The following DIAPH1 variants were observed in gnomAD, a reference collection of about 807,000 sequenced individuals.
The protein encoded by DIAPH1 is diaphanous related formin 1, also known as protein diaphanous homolog 1.
In DIAPH1, 46 loss-of-function variants were observed where a neutral mutation model predicts 140.7. That is an observed-to-expected ratio of 0.33 (90% confidence interval 0.26 to 0.42). The LOEUF is 0.42. DIAPH1 is among the 10% of genes least tolerant of loss of function. The pLI is 1.00. For missense variants in DIAPH1, 1,310 were observed against 1,558.7 expected (o/e 0.84, Z 2.69); for synonymous variants, 565 against 551.6 (o/e 1.02, Z -0.34).
Position 141,618,721 on chromosome 5 carries a change from G to A in DIAPH1, c.117+77C>T, listed in dbSNP as rs563266784. 1.9e-4 allele frequency: 203 copies of A among 1,076,438 alleles called. 2 individuals are homozygous for A. In the African/African-American group the frequency reaches 2.1e-3, roughly 11 times the overall value. The allele number at this position is 1,076,438 out of a possible 1,614,324, so 66.7% of individuals were successfully genotyped here. On this transcript the variant is annotated intron_variant, in intron 1 of 27. Coordinates refer to ENST00000389054, the MANE Select transcript of DIAPH1 (RefSeq NM_005219.5). Reference sequence around the variant, plus strand: ...GGGGCGGCTCCCCAAAGCCGGGCAGGCGCCCCAGGGGCCGGCTGCAGGGGT... The same window carrying A: ...GGGGCGGCTCCCCAAAGCCGGGCAGACGCCCCAGGGGCCGGCTGCAGGGGT...
rs957167891 is a variant in DIAPH1 at position 141,561,364 on chromosome 5, G to GTT, written c.2482+10062_2482+10063dup. Among the ~76,000 whole-genome samples, 76 of 137,382 alleles carry GTT rather than the reference G, an allele frequency of 5.5e-4. 1 individual carries two copies. The highest frequency in any genetic ancestry group is 1.6e-3 in the African/African-American group (60 of 37,706). 90.1% of individuals were successfully genotyped at this position (137,382 alleles called of 152,430 possible). A position where few individuals can be genotyped will look rare whatever the true frequency, so the allele number is the denominator to read the frequency against. ...GGTACTTAGAAGTGAAAAGAGTTTT[G>GTT]TTTTTTTTTTTTTTACATTGGAGTC... On this transcript the variant is annotated intron_variant, in intron 18 of 27. Coordinates refer to ENST00000389054, the MANE Select transcript of DIAPH1 (RefSeq NM_005219.5).
chr5:141,595,567 G>A (rs937603350), intron 1 of DIAPH1, among the ~76,000 whole-genome samples: 1 of 152,116 alleles, frequency 6.6e-6, no homozygotes, highest in African/African-American at 2.4e-5. Flanking sequence ...GAAATCTTAT[G>A]GTTTTGTAAG....
intron 18 of DIAPH1, among the ~76,000 whole-genome samples, chr5:141,548,713 G>A (rs546212238): frequency 6.6e-6 from 1 of 152,160 alleles, no homozygotes; most frequent in African/African-American, 2.4e-5. Flanking sequence ...GGCTCAGGTG[G>A]GAGAATCACC....
Position 141,529,193 on chromosome 5 carries a change from C to T in DIAPH1, c.2757G>A (p.Glu919=). The change falls in exon 21 of 28, where the codon GAG becomes GAA. Residue 919 remains glutamate (E), a synonymous_variant. Transcript: ENST00000389054. ...TCACCACCACGCCAAACTGCTCTGA[C>T]TCAGCCAGGTCATCATATTCATCCT... ...ELKDEYDDLA[E]SEQFGVVMGT... is the part of the protein sequence containing the mutation. The T allele has an allele frequency of 1.9e-6, 3 of 1,614,214 alleles. No homozygotes were observed. The highest frequency in any genetic ancestry group is 1.7e-6 in the Non-Finnish European group (2 of 1,180,032).
At chr5:141,594,237 AG>A in intron 1 of DIAPH1, among the ~76,000 whole-genome samples, 1 of 152,362 alleles carries the variant, frequency 6.6e-6, no homozygotes, top group East Asian at 1.9e-4. Context: ...ATTTATCCAA[AG>A]GAAGTGAAAA....
chr5:141,609,817 C>T (rs1352684857), intron 1 of DIAPH1, among the ~76,000 whole-genome samples: 2 of 152,136 alleles, frequency 1.3e-5, no homozygotes, highest in African/African-American at 2.4e-5. Context: ...GTTGCTAACA[C>T]CACCACCTAA....
chr5:141,610,965 G>A (rs180978777), intron 1 of DIAPH1, among the ~76,000 whole-genome samples: 15 of 151,790 alleles, frequency 9.9e-5, no homozygotes, highest in Non-Finnish European at 1.8e-4. Context: ...GGTGCATGCC[G>A]GTAGTCCCAG....
chr5:141,543,301 T>A (rs1223583264), intron 18 of DIAPH1, among the ~76,000 whole-genome samples: 1 of 152,160 alleles, frequency 6.6e-6, no homozygotes, highest in Non-Finnish European at 1.5e-5. Flanking sequence ...TGACACAACA[T>A]GTCCATGACA....
chr5:141,525,572 C>A (rs1328458629), intron 26 of DIAPH1, among the ~76,000 whole-genome samples: 1 of 152,174 alleles, frequency 6.6e-6, no homozygotes, highest in Admixed American at 6.5e-5. Flanking sequence ...CATTTAAAAT[C>A]TAATTGTGCA....
intron 1 of DIAPH1, among the ~76,000 whole-genome samples, chr5:141,604,233 C>G (rs2099900597): frequency 6.6e-6 from 1 of 152,190 alleles, no homozygotes; most frequent in Non-Finnish European, 1.5e-5. Flanking sequence ...AGCAAAGCTT[C>G]CTTCCTTTCA....
At chr5:141,602,337 TC>T (rs2099900279) in intron 1 of DIAPH1, among the ~76,000 whole-genome samples, 1 of 152,194 alleles carries the variant, frequency 6.6e-6, no homozygotes, top group Non-Finnish European at 1.5e-5. Flanking sequence ...TGTCTCAGCC[TC>T]CCGAGTAGCT....
chr5:141,578,464 T>G (rs2099896272), intron 10 of DIAPH1, 51 bp downstream of exon 10: 1 of 1,551,264 alleles, frequency 6.4e-7, no homozygotes, highest in South Asian at 1.1e-5. Flanking sequence ...ATTGGGGCTG[T>G]AGAGCAAGAA....
intron 8 of DIAPH1, 119 bp downstream of exon 8, chr5:141,580,625 A>G (rs1488889304): frequency 3.0e-6 from 3 of 1,012,950 alleles, no homozygotes; most frequent in Admixed American, 3.8e-5. Flanking sequence ...TCTGGGAAGA[A>G]ACACAATCTT....
chr5:141,612,123 AC>A (rs1332940381), intron 1 of DIAPH1, among the ~76,000 whole-genome samples: 5 of 152,232 alleles, frequency 3.3e-5, no homozygotes, highest in Non-Finnish European at 7.3e-5. Context: ...ATCATCACAT[AC>A]CCACTAGAAT....
intron 18 of DIAPH1, among the ~76,000 whole-genome samples, chr5:141,559,838 AG>A (rs2099893241): frequency 6.6e-6 from 1 of 152,230 alleles, no homozygotes; most frequent in East Asian, 1.9e-4. Flanking sequence ...CATTAAAATA[AG>A]GTACTAGAAA....
intron 18 of DIAPH1, chr5:141,563,908 T>C (rs1420136613): frequency 6.6e-6 from 1 of 152,248 alleles, no homozygotes; most frequent in Admixed American, 6.5e-5. Flanking sequence ...GGATTCAGTA[T>C]GTTATCTCAA....
chr5:141,530,965 G>GT (rs1218314708), intron 19 of DIAPH1, among the ~76,000 whole-genome samples: 20 of 152,160 alleles, frequency 1.3e-4, no homozygotes, highest in African/African-American at 4.3e-4. Flanking sequence ...ACATAATCAA[G>GT]TTTTTTAAAT....
In DIAPH1 at chr5:141,583,479, C is replaced by T. The variant is rs1193766897; in HGVS notation, c.533+6G>A. 3.1e-6 allele frequency: 5 copies of T among 1,614,186 alleles called. No homozygotes were observed. The highest frequency in any genetic ancestry group is 4.2e-6 in the Non-Finnish European group (5 of 1,180,024). Reference sequence around the variant, plus strand: ...CCTACTCCTGTTACCTCCTCAGAATCCTCACCTGACAGGGTTGTTGTTGAG... The same window carrying T: ...CCTACTCCTGTTACCTCCTCAGAATTCTCACCTGACAGGGTTGTTGTTGAG... On this transcript the variant is annotated splice_donor_region_variant and intron_variant, in intron 5 of 27. Transcript: ENST00000389054.
At chr5:141,566,346 T>C (rs1458003791) in intron 18 of DIAPH1, among the ~76,000 whole-genome samples, 1 of 152,166 alleles carries the variant, frequency 6.6e-6, no homozygotes, top group Non-Finnish European at 1.5e-5. Context: ...GAGGTAGTAT[T>C]GGAGTATAGA....
Sources: allele counts gnomAD v4.1 joint callset (sites outside exome capture counted in the v4.1 genomes callset), GRCh38; gene constraint gnomAD v4.1.1; transcripts MANE v1.5; gene names NCBI Gene and HGNC (gene_info 2026-07-23, HGNC 2026-07-21).